Variants in PAK5 observed in about 807,000 individuals in gnomAD.
PAK5 encodes p21 (RAC1) activated kinase 5, also known as serine/threonine-protein kinase PAK 5.
PAK5 carries 16 observed loss-of-function variants against 65.9 expected under a neutral mutation model. The ratio of observed to expected loss-of-function variants is 0.24; its 90% CI spans 0.16 to 0.37. The LOEUF (loss-of-function observed/expected upper bound fraction) is 0.37, where lower values mean the gene tolerates loss of function less well. Ranked by LOEUF, PAK5 falls within the 10% of genes least tolerant of loss-of-function variation. The probability of loss-of-function intolerance (pLI) is 1.00; values close to 1 mark genes in which losing one functional copy is unlikely to be tolerated. For missense variants in PAK5, 785 were observed against 903.9 expected (o/e 0.87, Z 1.69); for synonymous variants, 371 against 354.9 (o/e 1.05, Z -0.51).
chr20:9,548,662 C>T, intron 7 of PAK5, among the ~76,000 whole-genome samples: 1 of 152,192 alleles, frequency 6.6e-6, no homozygotes, highest in East Asian at 1.9e-4. Flanking sequence ...ACAAATGCTA[C>T]TAGATTTATT....
In PAK5 at chr20:9,831,223, G is replaced by A. The variant is rs200582538; in HGVS notation, c.-162+7539C>T. ...TTTTGGGGGGTGTGTGTGTGTGTGC[G>A]CGCGTGCGTGTGTTTGGGATTCCCC... On this transcript the variant is annotated intron_variant, in intron 1 of 9. Coordinates refer to ENST00000353224, the MANE Select transcript of PAK5 (RefSeq NM_177990.4). Among the ~76,000 whole-genome samples the A allele has an allele frequency of 6.6e-5, 10 of 152,332 alleles. No homozygotes were observed. The East Asian group carries it at 1.2e-3, about 18-fold the overall frequency.
chr20:9,697,028 C>T (rs1265189923), intron 2 of PAK5, among the ~76,000 whole-genome samples: 1 of 152,068 alleles, frequency 6.6e-6, no homozygotes, highest in African/African-American at 2.4e-5. Context: ...GATAAATTAG[C>T]TCAGTTGCTG....
At chr20:9,720,757 C>T (rs993834418) in intron 1 of PAK5, among the ~76,000 whole-genome samples, 10 of 151,950 alleles carry the variant, frequency 6.6e-5, no homozygotes, top group Admixed American at 2.0e-4. Context: ...TCCAATCAGT[C>T]GGATGTTATT....
chr20:9,664,050 C>A (rs2047380508), intron 2 of PAK5, among the ~76,000 whole-genome samples: 1 of 152,168 alleles, frequency 6.6e-6, no homozygotes, highest in African/African-American at 2.4e-5. Context: ...CGAATAAGTG[C>A]ATATTTTACC....
chr20:9,792,814 C>T (rs761069856), intron 1 of PAK5, among the ~76,000 whole-genome samples: 26 of 151,992 alleles, frequency 1.7e-4, no homozygotes, highest in Non-Finnish European at 2.5e-4. Flanking sequence ...TATATTTAAC[C>T]TCGGATCAAG....
chr20:9,545,987 T>G (rs559448936), intron 7 of PAK5, among the ~76,000 whole-genome samples: 1 of 152,286 alleles, frequency 6.6e-6, no homozygotes, highest in Admixed American at 6.5e-5. Flanking sequence ...TGATAGGTTT[T>G]CAAAATCAAA....
intron 1 of PAK5, among the ~76,000 whole-genome samples, chr20:9,833,000 C>A (rs1310337327): frequency 1.3e-5 from 2 of 152,154 alleles, no homozygotes; most frequent in Non-Finnish European, 2.9e-5. Context: ...AAAATATATT[C>A]AAATCTTTAT....
At position 9,580,293 on chromosome 20, in the gene PAK5, G is replaced by T; in HGVS notation, c.842C>A (p.Thr281Asn). 1 of 1,614,138 alleles carries T rather than the reference G, an allele frequency of 6.2e-7. No individual in the cohort carries two copies. Among genetic ancestry groups the T allele is most frequent in the Non-Finnish European group, 8.5e-7 (1 of 1,180,010 alleles). The change falls in exon 4 of 10, where the codon ACC (threonine) becomes AAC (asparagine). Residue 281 changes from threonine (T) to asparagine (N), a missense_variant. Around this residue, in one of 4 missense-constraint regions of PAK5, gnomAD observed 422 missense variants for 413.3 expected, o/e 1.02. Coordinates refer to ENST00000353224, the MANE Select transcript of PAK5 (RefSeq NM_177990.4). Reference protein sequence around the residue: ...SYLNQTSPQPTMRQRSRSGSG... With the variant: ...SYLNQTSPQPNMRQRSRSGSG... The stretch of plus-strand genomic sequence containing the variant: ...GCCTGACCTGGACCTCTGCCGCATG[G>T]TGGGCTGAGGGCTTGTCTGATTCAG...
intron 1 of PAK5, among the ~76,000 whole-genome samples, chr20:9,761,035 G>A (rs947946316): frequency 1.2e-4 from 19 of 152,110 alleles, no homozygotes; most frequent in African/African-American, 4.3e-4. Flanking sequence ...GTTTTCCTTA[G>A]AGCATAAGCA....
chr20:9,786,982 A>C (rs2048999579), intron 1 of PAK5, among the ~76,000 whole-genome samples: 1 of 152,128 alleles, frequency 6.6e-6, no homozygotes, highest in Non-Finnish European at 1.5e-5. Context: ...GCAAGGGATA[A>C]ATTTAAGTAT....
intron 1 of PAK5, among the ~76,000 whole-genome samples, chr20:9,779,988 T>A (rs2048925368): frequency 6.6e-6 from 1 of 152,118 alleles, no homozygotes. Flanking sequence ...TTACCATATT[T>A]AAGCTAGGCT....
At chr20:9,699,599 C>T (rs1185062491) in intron 2 of PAK5, among the ~76,000 whole-genome samples, 1 of 142,300 alleles carries the variant, frequency 7.0e-6, no homozygotes, top group African/African-American at 2.6e-5. Context: ...GACTAGGATG[C>T]TCTGGGGAAG....
chr20:9,577,188 T>C (rs2045899938), intron 4 of PAK5, among the ~76,000 whole-genome samples: 2 of 148,522 alleles, frequency 1.3e-5, no homozygotes, highest in Non-Finnish European at 3.0e-5. Context: ...ACCCCAGGGT[T>C]TCATCTGCTT....
intron 1 of PAK5, among the ~76,000 whole-genome samples, chr20:9,733,753 C>A (rs1226726268): frequency 6.6e-6 from 1 of 152,116 alleles, no homozygotes; most frequent in African/African-American, 2.4e-5. Flanking sequence ...CTCTTTCTTT[C>A]TCTTTTTAAA....
intron 1 of PAK5, among the ~76,000 whole-genome samples, chr20:9,739,292 G>T (rs1460424842): frequency 6.7e-6 from 1 of 148,450 alleles, no homozygotes; most frequent in Non-Finnish European, 1.5e-5. Context: ...TTCTCTACTT[G>T]GCTAGAGCTA....
intron 3 of PAK5, among the ~76,000 whole-genome samples, chr20:9,616,091 G>A (rs904150779): frequency 2.6e-5 from 4 of 152,176 alleles, no homozygotes; most frequent in African/African-American, 9.7e-5. Flanking sequence ...CACCTCTGAT[G>A]GGAAGCATGT....
At chr20:9,558,562 C>T (rs1484310200) in intron 6 of PAK5, among the ~76,000 whole-genome samples, 2 of 152,124 alleles carry the variant, frequency 1.3e-5, no homozygotes, top group African/African-American at 4.8e-5. Flanking sequence ...GTCTTATTTT[C>T]TTCATCTTAG....
At chr20:9,640,994 G>A (rs2047051311) in intron 3 of PAK5, among the ~76,000 whole-genome samples, 1 of 152,184 alleles carries the variant, frequency 6.6e-6, no homozygotes, top group South Asian at 2.1e-4. Context: ...GCTGGCTCGG[G>A]CAGCCTGCTT....
intron 2 of PAK5, among the ~76,000 whole-genome samples, chr20:9,692,224 T>C (rs909957256): frequency 5.3e-5 from 8 of 152,234 alleles, no homozygotes; most frequent in African/African-American, 1.4e-4. Context: ...CGCTTCTAAC[T>C]GTACATTAAC....
Sources: allele counts gnomAD v4.1 joint callset (sites outside exome capture counted in the v4.1 genomes callset), GRCh38; gene constraint gnomAD v4.1.1; regional missense constraint gnomAD v4.1.1; transcripts MANE v1.5; gene names NCBI Gene and HGNC (gene_info 2026-07-23, HGNC 2026-07-21).